Variants in DMRT1 observed in about 807,000 individuals in gnomAD.
DMRT1 encodes doublesex- and mab-3-related transcription factor 1.
A neutral mutation model predicts 32.3 loss-of-function variants in DMRT1; 7 were observed. The observed-to-expected ratio is 0.22, with a 90% CI of 0.12 to 0.41. DMRT1 has a LOEUF of 0.41. Ranked by LOEUF, DMRT1 falls within the 10% of genes least tolerant of loss-of-function variation. The pLI, the probability that DMRT1 is intolerant of heterozygous loss-of-function variation, is 1.00. For missense variants in DMRT1, 625 were observed against 500.5 expected (o/e 1.25, Z -2.37); for synonymous variants, 278 against 206.1 (o/e 1.35, Z -2.99).
At chr9:856,075 C>A (rs945554593) in intron 2 of DMRT1, among the ~76,000 whole-genome samples, 1 of 152,046 alleles carries the variant, frequency 6.6e-6, no homozygotes, top group Admixed American at 6.6e-5. Flanking sequence ...CGCCACCATG[C>A]CCAGCTAATT....
intron 4 of DMRT1, among the ~76,000 whole-genome samples, chr9:967,517 C>G (rs1325734199): frequency 6.6e-6 from 1 of 152,186 alleles, no homozygotes; most frequent in Non-Finnish European, 1.5e-5. Context: ...AGTTAATATG[C>G]TATCCACTTC....
chr9:865,221 T>C (rs1219368894), intron 2 of DMRT1, among the ~76,000 whole-genome samples: 1 of 152,214 alleles, frequency 6.6e-6, no homozygotes, highest in Non-Finnish European at 1.5e-5. Context: ...TTTGTTGTTA[T>C]CTTGATAACT....
chr9:898,979 C>T (rs1485235346), intron 3 of DMRT1, among the ~76,000 whole-genome samples: 1 of 151,808 alleles, frequency 6.6e-6, no homozygotes, highest in Non-Finnish European at 1.5e-5. Context: ...GTAAAGAAAT[C>T]TTTCACCTCT....
intron 2 of DMRT1, among the ~76,000 whole-genome samples, chr9:848,290 A>G (rs1159970898): frequency 6.6e-6 from 1 of 152,172 alleles, no homozygotes; most frequent in Non-Finnish European, 1.5e-5. Flanking sequence ...CTTGTCAAAA[A>G]TGAGGGAAAG....
intron 4 of DMRT1, among the ~76,000 whole-genome samples, chr9:944,885 A>G (rs1053394121): frequency 3.9e-5 from 6 of 152,074 alleles, no homozygotes; most frequent in Non-Finnish European, 7.4e-5. Context: ...TGGAAAGCAC[A>G]TGACCACCTA....
chr9:895,801 CTTTTTTTTT>C (rs1187539144), intron 3 of DMRT1, among the ~76,000 whole-genome samples: 2 of 121,984 alleles, frequency 1.6e-5, no homozygotes, highest in South Asian at 2.6e-4. Flanking sequence ...ATAACTGAAA[CTTTTTTTTT>C]TTTTTTTTTT....
intron 4 of DMRT1, among the ~76,000 whole-genome samples, chr9:919,567 G>A (rs1470668923): frequency 6.6e-6 from 1 of 152,204 alleles, no homozygotes; most frequent in Non-Finnish European, 1.5e-5. Context: ...GGTGGAGTCA[G>A]ATCTTGCAGG....
At chr9:888,618 T>A (rs1036848239) in intron 2 of DMRT1, among the ~76,000 whole-genome samples, 151 of 152,310 alleles carry the variant, frequency 9.9e-4, no homozygotes, top group African/African-American at 3.5e-3. Context: ...TGTATACTTT[T>A]ATTTAATAGT....
At chr9:851,348 C>G (rs527264328) in intron 2 of DMRT1, among the ~76,000 whole-genome samples, 4 of 152,236 alleles carry the variant, frequency 2.6e-5, no homozygotes, top group African/African-American at 9.6e-5. Context: ...AGACGATTCT[C>G]TCACCTCAGC....
At chr9:920,633 G>A (rs867983136) in intron 4 of DMRT1, among the ~76,000 whole-genome samples, 2 of 152,178 alleles carry the variant, frequency 1.3e-5, no homozygotes, top group Admixed American at 6.5e-5. Flanking sequence ...GGGATGGGAC[G>A]TCAACCCGTG....
intron 4 of DMRT1, among the ~76,000 whole-genome samples, chr9:960,565 C>A (rs1381507677): frequency 1.4e-4 from 21 of 152,174 alleles, no homozygotes; most frequent in Admixed American, 1.4e-3. Context: ...CCTTCCTTTA[C>A]AATTGAGGAA....
chr9:878,199 T>C (rs1816582829), intron 2 of DMRT1, among the ~76,000 whole-genome samples: 1 of 67,946 alleles, frequency 1.5e-5, no homozygotes, highest in Non-Finnish European at 2.7e-5. Context: ...CTGCAGCTGC[T>C]GCCCCCCCCC....
chr9:933,215 G>A (rs550127391), intron 4 of DMRT1, among the ~76,000 whole-genome samples: 15 of 152,232 alleles, frequency 9.9e-5, no homozygotes, highest in African/African-American at 3.4e-4. Context: ...CCACGCCCCG[G>A]TGAGAGCTCC....
intron 3 of DMRT1, among the ~76,000 whole-genome samples, chr9:900,684 T>C (rs1217572779): frequency 6.6e-6 from 1 of 151,732 alleles, no homozygotes; most frequent in Non-Finnish European, 1.5e-5. Flanking sequence ...AAAATCTACT[T>C]AATTTTTTTT....
rs540552927 is a variant in DMRT1, at chr9:867,462, C to G, written c.538+20319C>G. 2.8e-4 allele frequency among the ~76,000 whole-genome samples: 43 copies of G among 152,342 alleles called. 1 individual carries two copies. The highest frequency in any genetic ancestry group is 1.0e-3 in the African/African-American group (42 of 41,592). ...TCATAGGTGGTAGTAATAATTATAA[C>G]CCGAGTAGCTCTCATTTACCGAGTG... is the stretch of plus-strand genomic sequence containing the variant. On this transcript the variant is annotated intron_variant, in intron 2 of 4. Transcript: ENST00000382276.
chr9:848,119 G>T (rs1037696465), intron 2 of DMRT1, among the ~76,000 whole-genome samples: 2 of 152,216 alleles, frequency 1.3e-5, no homozygotes, highest in African/African-American at 4.8e-5. Flanking sequence ...TAAGCTCCAT[G>T]AAATACAGCC....
intron 4 of DMRT1, among the ~76,000 whole-genome samples, chr9:945,134 C>CT (rs1819199927): frequency 1.3e-5 from 2 of 152,084 alleles, no homozygotes; most frequent in Non-Finnish European, 2.9e-5. Context: ...TAGCTAGACT[C>CT]TAATGTTTTT....
At chr9:931,979 G>T (rs373376656) in intron 4 of DMRT1, among the ~76,000 whole-genome samples, 4 of 152,112 alleles carry the variant, frequency 2.6e-5, no homozygotes, top group African/African-American at 9.7e-5. Flanking sequence ...TCTGGTCTTT[G>T]CTGATCACTT....
chr9:870,260 G>A lies in DMRT1; in HGVS notation c.538+23117G>A, dbSNP rs368851494. 2.0e-5 allele frequency among the ~76,000 whole-genome samples: 3 copies of A among 152,248 alleles called. No individual in the cohort carries two copies. In the East Asian group the frequency reaches 5.8e-4, roughly 29 times the overall value. ...TAAAAATACAAAAAATTAGCTGGGC[G>A]TGGTGACGTGCACCTGTAATCCCAG... is the stretch of plus-strand genomic sequence containing the variant. On this transcript the variant is annotated intron_variant, in intron 2 of 4. Transcript: ENST00000382276.
Sources: gnomAD v4.1 joint callset for allele counts (sites outside exome capture counted in the v4.1 genomes callset) on GRCh38, gnomAD v4.1.1 for gene constraint, MANE v1.5 for transcripts, NCBI Gene and HGNC (gene_info 2026-07-23, HGNC 2026-07-21) for gene names.